MATN2: variants seen among roughly 807,000 people sequenced by gnomAD.
MATN2 encodes matrilin-2.
In MATN2, 69 loss-of-function variants were observed where a neutral mutation model predicts 103.2. That is an observed-to-expected ratio of 0.67 (90% CI 0.55 to 0.82). The LOEUF is 0.82. MATN2 is among the 40% of genes least tolerant of loss of function. The pLI, the probability that MATN2 is intolerant of heterozygous loss-of-function variation, is 0.00. For missense variants in MATN2, 1,023 were observed against 1,211.5 expected (o/e 0.84, Z 2.31); for synonymous variants, 429 against 450.2 (o/e 0.95, Z 0.60).
chr8:97,948,560 T>C (rs1236642253), intron 4 of MATN2, among the ~76,000 whole-genome samples: 1 of 152,190 alleles, frequency 6.6e-6, no homozygotes, highest in Non-Finnish European at 1.5e-5. Flanking sequence ...GGTGAAATGA[T>C]TTTTTGACGG....
chr8:97,927,331 T>A (rs34249950), intron 2 of MATN2, among the ~76,000 whole-genome samples: 6,496 of 151,968 alleles, frequency 0.043, 442 homozygotes, highest in African/African-American at 0.14. Flanking sequence ...TTATTATTTT[T>A]TTTTTTTTAG....
chr8:97,881,284 A>G (rs2129952920), intron 1 of MATN2, among the ~76,000 whole-genome samples: 1 of 152,318 alleles, frequency 6.6e-6, no homozygotes, highest in Admixed American at 6.5e-5. Flanking sequence ...TGACTAGTTA[A>G]AGCCCAGAGA....
At chr8:97,878,449 G>A (rs990776334) in intron 1 of MATN2, among the ~76,000 whole-genome samples, 7 of 151,848 alleles carry the variant, frequency 4.6e-5, no homozygotes, top group Non-Finnish European at 8.8e-5. Flanking sequence ...TACTGGGGAG[G>A]CTGAGGCAGG....
In MATN2 at chr8:97,931,983, A is replaced by G. The variant is rs958512379; in HGVS notation, c.712+461A>G. On this transcript the variant is annotated intron_variant, in intron 3 of 18. Transcript: ENST00000254898. The surrounding 1 kb of genome is among the most constrained non-coding windows in gnomAD (Gnocchi z 4.1). ...CTCCCAAAGTGCTGGGATTATAGGCATGAGCACCCAGCTAAGACAGACATT... is the reference window on the plus strand; with the variant it reads ...CTCCCAAAGTGCTGGGATTATAGGCGTGAGCACCCAGCTAAGACAGACATT... 1.3e-5 allele frequency among the ~76,000 whole-genome samples: 2 copies of G among 152,228 alleles called. No individual in the cohort carries two copies. The highest frequency in any genetic ancestry group is 6.5e-5 in the Admixed American group (1 of 15,286).
intron 2 of MATN2, among the ~76,000 whole-genome samples, chr8:97,895,045 G>A (rs1818764227): frequency 6.6e-6 from 1 of 152,064 alleles, no homozygotes; most frequent in Admixed American, 6.6e-5. Context: ...GCTAATTTTT[G>A]TATTTTTAGT....
intron 5 of MATN2, 133 bp downstream of exon 5, chr8:97,961,663 G>A: frequency 1.9e-6 from 2 of 1,075,248 alleles, no homozygotes; most frequent in Non-Finnish European, 2.5e-6. Flanking sequence ...CAGTTGTTTG[G>A]TGTAGTTGTT....
intron 6 of MATN2, among the ~76,000 whole-genome samples, chr8:97,994,130 G>T (rs893246986): frequency 4.2e-5 from 6 of 143,064 alleles, no homozygotes; most frequent in Non-Finnish European, 1.5e-5. Flanking sequence ...AAGGAAGGGA[G>T]AGAGAGGAAG....
chr8:97,873,773 G>A (rs34673779), intron 1 of MATN2, among the ~76,000 whole-genome samples: 6,280 of 151,788 alleles, frequency 0.041, 262 homozygotes, highest in Admixed American at 0.058. Flanking sequence ...CCTCAAATTT[G>A]TTTCTTTTTT....
intron 2 of MATN2, among the ~76,000 whole-genome samples, chr8:97,912,320 G>A (rs1038241497): frequency 6.6e-6 from 1 of 152,192 alleles, no homozygotes; most frequent in Non-Finnish European, 1.5e-5. Context: ...AAGTCACCAA[G>A]CCTGTGAGAG....
chr8:98,036,141 A>C lies in MATN2; in HGVS notation c.*429A>C, dbSNP rs976667899. The C allele has an allele frequency of 1.3e-5, 2 of 154,034 alleles. No homozygotes were observed. Among genetic ancestry groups the C allele is most frequent in the Non-Finnish European group, 2.9e-5 (2 of 69,168 alleles). 9.5% of individuals were successfully genotyped at this position (154,034 alleles called of 1,614,324 possible). On this transcript the variant is annotated 3_prime_UTR_variant, in exon 19 of 19. Coordinates refer to ENST00000254898, the MANE Select transcript of MATN2 (RefSeq NM_002380.5). Reference sequence around the variant, plus strand: ...ATATATGTATATGGATGTATGCATAAAATCATAGGACATATGTACTTGTGG... The same window carrying C: ...ATATATGTATATGGATGTATGCATACAATCATAGGACATATGTACTTGTGG...
chr8:97,928,881 G>A (rs1392365570), intron 2 of MATN2, among the ~76,000 whole-genome samples: 2 of 152,158 alleles, frequency 1.3e-5, no homozygotes, highest in Admixed American at 1.3e-4. Flanking sequence ...AACTCTCAGT[G>A]CTCCCATGTT....
intron 5 of MATN2, among the ~76,000 whole-genome samples, chr8:97,970,185 G>A (rs1811610943): frequency 6.6e-6 from 1 of 152,190 alleles, no homozygotes; most frequent in African/African-American, 2.4e-5. Context: ...GCACGTTAAG[G>A]GGAGGTTTAT....
At chr8:97,902,170 A>G (rs1223561479) in intron 2 of MATN2, among the ~76,000 whole-genome samples, 1 of 148,630 alleles carries the variant, frequency 6.7e-6, no homozygotes, top group African/African-American at 2.5e-5. Flanking sequence ...GCCAGGGGAC[A>G]TGTATTTGTT....
chr8:97,887,812 A>AT (rs949283204), intron 1 of MATN2: 11 of 255,940 alleles, frequency 4.3e-5, no homozygotes, highest in Non-Finnish European at 8.1e-5. Context: ...TTCAGGATAG[A>AT]TTTTTCTCAA....
At chr8:97,960,018 C>T (rs983115891) in intron 4 of MATN2, among the ~76,000 whole-genome samples, 7 of 151,238 alleles carry the variant, frequency 4.6e-5, no homozygotes, top group African/African-American at 1.2e-4. Context: ...GGTGTGATCT[C>T]GGCTCACTGC....
rs142246210 is a variant in MATN2 at position 97,917,322 on chromosome 8, T to G, written c.143-13631T>G. On this transcript the variant is annotated intron_variant, in intron 2 of 18. Transcript: ENST00000254898. ...GCAAATGCCCTTCTTGGTAGTAGCTTGTTCAAGGGTACGCAGAGCAAATTT... is the reference window on the plus strand; with the variant it reads ...GCAAATGCCCTTCTTGGTAGTAGCTGGTTCAAGGGTACGCAGAGCAAATTT... Among the ~76,000 whole-genome samples, 5 of 152,360 alleles carry G rather than the reference T, an allele frequency of 3.3e-5. No individual in the cohort carries two copies. In the East Asian group the frequency reaches 5.8e-4, roughly 18 times the overall value.
At chr8:97,900,420 T>C (rs950338985) in intron 2 of MATN2, among the ~76,000 whole-genome samples, 6 of 152,216 alleles carry the variant, frequency 3.9e-5, no homozygotes, top group African/African-American at 1.4e-4. Context: ...TTATGTGTAC[T>C]GTGGGTCATT....
chr8:97,890,413 T>TA (rs1199684574), intron 2 of MATN2, among the ~76,000 whole-genome samples: 6 of 147,232 alleles, frequency 4.1e-5, no homozygotes, highest in Non-Finnish European at 8.9e-5. Context: ...TGCAGTGAGC[T>TA]AAGATCGTGC....
intron 2 of MATN2, among the ~76,000 whole-genome samples, chr8:97,897,690 CAAT>C (rs1373461346): frequency 6.6e-6 from 1 of 152,178 alleles, no homozygotes; most frequent in Middle Eastern, 3.2e-3. Flanking sequence ...ACGGGCAGTA[CAAT>C]GACAGCTGGA....
Sources: allele counts gnomAD v4.1 joint callset (sites outside exome capture counted in the v4.1 genomes callset), GRCh38; gene constraint gnomAD v4.1.1; non-coding constraint Gnocchi (gnomAD v3.1); transcripts MANE v1.5; gene names NCBI Gene and HGNC (gene_info 2026-07-23, HGNC 2026-07-21).